The following ELF5 variants were observed in gnomAD, a reference collection of about 807,000 sequenced individuals.
ELF5 encodes E74 like ETS transcription factor 5.
ELF5 carries 31 observed loss-of-function variants against 38.2 expected under a neutral mutation model. The observed-to-expected ratio is 0.81, with a 90% confidence interval of 0.61 to 1.10. The LOEUF is 1.10. ELF5 is among the 50% of genes least tolerant of loss of function. The pLI is 0.00. For synonymous variants in ELF5, 121 were observed against 112.5 expected (o/e 1.08, Z -0.48); for missense variants, 300 against 306.6 (o/e 0.98, Z 0.16).
chr11:34,489,030 T>G (rs377679433), intron 4 of ELF5, among the ~76,000 whole-genome samples: 1 of 152,054 alleles, frequency 6.6e-6, no homozygotes, highest in African/African-American at 2.4e-5. Context: ...GGGCCCCGAG[T>G]GATGAAACCT....
intron 3 of ELF5, 37 bp from the exon 4 acceptor site, chr11:34,490,096 C>G: frequency 3.1e-6 from 5 of 1,610,816 alleles, no homozygotes; most frequent in Non-Finnish European, 4.2e-6. Flanking sequence ...CCATACCATG[C>G]AATCCTGGTT....
At chr11:34,493,946 A>G (rs1590331520) in intron 2 of ELF5, among the ~76,000 whole-genome samples, 1 of 152,322 alleles carries the variant, frequency 6.6e-6, no homozygotes, top group East Asian at 1.9e-4. Flanking sequence ...CAGGGGCAAG[A>G]AAGAACCAGT....
rs966410941 is a variant in ELF5, at chr11:34,483,805, T to C, written c.407-1306A>G. On this transcript the variant is annotated intron_variant, in intron 4 of 6. Transcript: ENST00000257832. ...ATACTGACTGTACTGTAGTATACCATGACAACTATACTATACTATATCATA... is the reference window on the plus strand; with the variant it reads ...ATACTGACTGTACTGTAGTATACCACGACAACTATACTATACTATATCATA... 4.6e-5 allele frequency among the ~76,000 whole-genome samples: 7 copies of C among 152,046 alleles called. No individual in the cohort carries two copies. In the South Asian group the frequency reaches 8.3e-4, roughly 18 times the overall value.
At chr11:34,489,210 C>A (rs1254062052) in intron 4 of ELF5, among the ~76,000 whole-genome samples, 2 of 152,226 alleles carry the variant, frequency 1.3e-5, no homozygotes, top group Non-Finnish European at 2.9e-5. Flanking sequence ...ATCCAAGTAA[C>A]GTGAGTCCTC....
At position 34,479,019 on chromosome 11, in the gene ELF5, G is replaced by C. The variant is rs1535719; in HGVS notation, c.*1199C>G. On this transcript the variant is annotated 3_prime_UTR_variant, in exon 7 of 7. Transcript: ENST00000257832. The stretch of plus-strand genomic sequence containing the variant: ...CTAGGGGCAGTCCACCTAGCTGTCA[G>C]TCACTGATAACTTACATACCAGTGA... 45,335 of 152,588 alleles carry C rather than the reference G, an allele frequency of 0.3. 8,866 individuals carry two copies. Among genetic ancestry groups the C allele is most frequent in the Non-Finnish European group, 0.42 (28,385 of 67,986 alleles). The allele number at this position is 152,588 out of a possible 1,614,324, so 9.5% of individuals were successfully genotyped here. A position where few individuals can be genotyped will look rare whatever the true frequency, so the allele number is the denominator to read the frequency against.
chr11:34,491,300 T>A (rs2133882571), intron 3 of ELF5, among the ~76,000 whole-genome samples: 1 of 152,160 alleles, frequency 6.6e-6, no homozygotes, highest in South Asian at 2.1e-4. Context: ...AATATATATA[T>A]CTCCACAATC....
chr11:34,495,390 G>T (rs954316278), intron 2 of ELF5, among the ~76,000 whole-genome samples: 1 of 152,136 alleles, frequency 6.6e-6, no homozygotes, highest in African/African-American at 2.4e-5. Context: ...GCAGGAGGTG[G>T]GTCCTCTGCC....
intron 4 of ELF5, among the ~76,000 whole-genome samples, chr11:34,484,775 C>A (rs976310608): frequency 2.6e-5 from 4 of 152,136 alleles, no homozygotes; most frequent in Admixed American, 2.6e-4. Flanking sequence ...AGTCTTATCT[C>A]TTTCTGCTTC....
chr11:34,510,112 C>T (rs1338115757), intron 1 of ELF5, among the ~76,000 whole-genome samples: 4 of 151,974 alleles, frequency 2.6e-5, no homozygotes, highest in South Asian at 4.1e-4. Flanking sequence ...CTCTTTATAC[C>T]GGCCTACTCA....
At chr11:34,482,814 T>C (rs2133870285) in intron 4 of ELF5, among the ~76,000 whole-genome samples, 1 of 152,178 alleles carries the variant, frequency 6.6e-6, no homozygotes, top group Non-Finnish European at 1.5e-5. Context: ...GCAAAGATCC[T>C]CAATTTAAGA....
intron 2 of ELF5, among the ~76,000 whole-genome samples, chr11:34,500,571 G>T (rs945770220): frequency 6.6e-6 from 1 of 152,238 alleles, no homozygotes; most frequent in Non-Finnish European, 1.5e-5. Flanking sequence ...TTAGGAAGGG[G>T]CCAAGAGAGC....
chr11:34,493,333 C>T, intron 3 of ELF5, 146 bp downstream of exon 3: 1 of 772,150 alleles, frequency 1.3e-6, no homozygotes, highest in Non-Finnish European at 2.2e-6. Flanking sequence ...GGCATACTAG[C>T]TTCCAGTTAT....
rs557628986 is a variant in ELF5 at position 34,481,971 on chromosome 11, C to T, written c.475+460G>A. Among the ~76,000 whole-genome samples the T allele has an allele frequency of 4.6e-5, 7 of 152,298 alleles. No individual in the cohort carries two copies. The East Asian group carries it at 7.7e-4, about 17-fold the overall frequency. ...TTACAAGCTTGACACTGCTCTGGGC[C>T]GATCTCTTAGTGCTGGGGAAGCTAA... On this transcript the variant is annotated intron_variant, in intron 5 of 6. Coordinates refer to ENST00000257832, the MANE Select transcript of ELF5 (RefSeq NM_001422.4).
chr11:34,490,432 T>A (rs1850137243), intron 3 of ELF5, among the ~76,000 whole-genome samples: 1 of 152,022 alleles, frequency 6.6e-6, no homozygotes, highest in Admixed American at 6.5e-5. Flanking sequence ...GGCTTGTTGG[T>A]TTTTCTCATT....
intron 2 of ELF5, 81 bp from the exon 3 acceptor site, chr11:34,493,793 G>A (rs904235976): frequency 8.2e-7 from 1 of 1,223,718 alleles, no homozygotes; most frequent in Non-Finnish European, 1.2e-6. Flanking sequence ...CATCAGTTAA[G>A]TAACATCCTC....
At position 34,494,175 on chromosome 11, in the gene ELF5, C is replaced by T. The variant is rs79064900; in HGVS notation, c.122-463G>A. ...TAAAATGGGGATAATATGCTCAATG[C>T]CCAGGACTATTATGGAGTTTGGGGT... On this transcript the variant is annotated intron_variant, in intron 2 of 6. Coordinates refer to ENST00000257832, the MANE Select transcript of ELF5 (RefSeq NM_001422.4). 3.9e-3 allele frequency among the ~76,000 whole-genome samples: 593 copies of T among 152,226 alleles called. 6 individuals carry two copies. Among genetic ancestry groups the T allele is most frequent in the African/African-American group, 0.014 (562 of 41,552 alleles).
intron 1 of ELF5, chr11:34,511,891 T>C (rs571871724): frequency 3.2e-5 from 12 of 377,390 alleles, no homozygotes; most frequent in Admixed American, 2.0e-4. Context: ...ATTGGCCCAA[T>C]TAAGCATCTA....
At chr11:34,493,383 T>C in intron 3 of ELF5, 96 bp downstream of exon 3, 1 of 1,174,518 alleles carries the variant, frequency 8.5e-7, no homozygotes, top group Non-Finnish European at 1.2e-6. Flanking sequence ...TAGTAAAATT[T>C]TGCTGTGCAA....
At position 34,482,283 on chromosome 11, in the gene ELF5, T is replaced by C; in HGVS notation, c.475+148A>G. 4.1e-6 allele frequency: 3 copies of C among 729,686 alleles called. No homozygotes were observed. The South Asian group carries it at 5.1e-5, about 12-fold the overall frequency. 45.2% of individuals were successfully genotyped at this position (729,686 alleles called of 1,614,324 possible). On this transcript the variant is annotated intron_variant, in intron 5 of 6. Transcript: ENST00000257832. ...ATCAATCTGACTTTGATAATACGTA[T>C]AAAAGCAATCACTGATTTCTTTACT...
Sources: gnomAD v4.1 joint callset for allele counts (sites outside exome capture counted in the v4.1 genomes callset) on GRCh38, gnomAD v4.1.1 for gene constraint, MANE v1.5 for transcripts, NCBI Gene and HGNC (gene_info 2026-07-23, HGNC 2026-07-21) for gene names.